Variants in NRG1 observed in about 807,000 individuals in gnomAD.
NRG1 encodes the protein pro-neuregulin-1, membrane-bound isoform.
NRG1 carries 18 observed loss-of-function variants against 63.8 expected under a neutral mutation model. The observed-to-expected ratio is 0.28, with a 90% confidence interval of 0.19 to 0.42. NRG1 has a LOEUF of 0.42. Among genes scored for constraint, NRG1 ranks in the 10% least tolerant of loss-of-function variants. The pLI is 1.00. For synonymous variants in NRG1, 302 were observed against 301.3 expected, an observed-to-expected ratio of 1.00 and a Z score of -0.02; for missense variants, 762 against 814.7, an observed-to-expected ratio of 0.94 and a Z score of 0.79.
intron 1 of NRG1, among the ~76,000 whole-genome samples, chr8:31,739,047 T>G (rs897134755): frequency 5.3e-5 from 8 of 152,096 alleles, no homozygotes; most frequent in Non-Finnish European, 2.9e-5. Context: ...TGTGCACGTA[T>G]GTGTATGTGT....
chr8:32,212,947 G>A (rs1844839822), intron 1 of NRG1, among the ~76,000 whole-genome samples: 1 of 152,266 alleles, frequency 6.6e-6, no homozygotes, highest in Admixed American at 6.5e-5. Flanking sequence ...TTCTGAAATA[G>A]TTTGAATATT....
intron 1 of NRG1, among the ~76,000 whole-genome samples, chr8:32,461,461 G>C (rs1316296438): frequency 2.0e-5 from 3 of 152,172 alleles, no homozygotes; most frequent in Non-Finnish European, 4.4e-5. Context: ...CACTTTGGGA[G>C]GCCGAGGTGA....
intron 1 of NRG1, among the ~76,000 whole-genome samples, chr8:32,555,787 A>G (rs1488516948): frequency 6.6e-6 from 1 of 152,176 alleles, no homozygotes; most frequent in Non-Finnish European, 1.5e-5. Context: ...ATATTTTAAT[A>G]TGGTCACACA....
chr8:32,228,005 C>G (rs977427425), intron 1 of NRG1, among the ~76,000 whole-genome samples: 1 of 152,164 alleles, frequency 6.6e-6, no homozygotes, highest in Non-Finnish European at 1.5e-5. Flanking sequence ...TTTGCTTTCT[C>G]TCAGATATTA....
At chr8:31,680,304 A>T in intron 1 of NRG1, among the ~76,000 whole-genome samples, 1 of 94,428 alleles carries the variant, frequency 1.1e-5, no homozygotes, top group Non-Finnish European at 2.0e-5. Flanking sequence ...CCCCCACCCC[A>T]CAACAGTCCC....
intron 1 of NRG1, among the ~76,000 whole-genome samples, chr8:31,693,163 A>G (rs968156620): frequency 1.1e-4 from 16 of 152,164 alleles, no homozygotes; most frequent in African/African-American, 3.9e-4. Flanking sequence ...TTGTTGTCAT[A>G]GTTCCTCTCT....
chr8:32,113,510 C>T (rs1016322616), intron 1 of NRG1, among the ~76,000 whole-genome samples: 1 of 152,176 alleles, frequency 6.6e-6, no homozygotes, highest in Non-Finnish European at 1.5e-5. Context: ...TAGCTGCTTC[C>T]TGATATAACT....
chr8:32,597,135 T>A (rs1460245457), intron 2 of NRG1, among the ~76,000 whole-genome samples: 1 of 152,154 alleles, frequency 6.6e-6, no homozygotes, highest in African/African-American at 2.4e-5. Context: ...GTGACATGTA[T>A]AATAGTGGTT....
At chr8:32,543,998 C>T (rs1014025309), upstream of NRG1, among the ~76,000 whole-genome samples, 2 of 152,264 alleles carry the variant, frequency 1.3e-5, no homozygotes, top group African/African-American at 4.8e-5. Context: ...CCTCCTTTCA[C>T]CTCAATTTCC....
intron 5 of NRG1, among the ~76,000 whole-genome samples, chr8:32,703,498 A>C (rs1201417679): frequency 1.3e-5 from 2 of 148,628 alleles, no homozygotes; most frequent in East Asian, 3.9e-4. Flanking sequence ...GTGCCACTGC[A>C]CTGTAGCCTG....
intron 1 of NRG1, among the ~76,000 whole-genome samples, chr8:31,806,737 A>G (rs1822327118): frequency 1.3e-5 from 2 of 152,206 alleles, no homozygotes; most frequent in South Asian, 4.1e-4. Flanking sequence ...AGACACATGA[A>G]TAGTGATTTT....
chr8:32,080,451 A>C (rs930300873), intron 1 of NRG1, among the ~76,000 whole-genome samples: 6 of 152,172 alleles, frequency 3.9e-5, no homozygotes, highest in Non-Finnish European at 8.8e-5. Context: ...GACTACACCT[A>C]AGCTCAGACA....
chr8:32,020,241 A>G (rs1308606456), intron 1 of NRG1, among the ~76,000 whole-genome samples: 2 of 152,124 alleles, frequency 1.3e-5, no homozygotes, highest in Non-Finnish European at 2.9e-5. Context: ...TTTATTCCTA[A>G]GTATTTGTTT....
At chr8:31,646,366 A>G (rs1257795862) in intron 1 of NRG1, among the ~76,000 whole-genome samples, 1 of 152,216 alleles carries the variant, frequency 6.6e-6, no homozygotes, top group Non-Finnish European at 1.5e-5. Flanking sequence ...GTGCTAGAAT[A>G]TGTGAGCTGA....
Position 32,337,682 on chromosome 8 carries a change from A to AAAAAAAAAAAAAT in NRG1, c.38-258146_38-258145insAAAAAAAAAAAAT, listed in dbSNP as rs1554511693. Among the ~76,000 whole-genome samples, 12 of 116,632 alleles carry AAAAAAAAAAAAAT rather than the reference A, an allele frequency of 1.0e-4. 1 individual carries two copies. Among genetic ancestry groups the AAAAAAAAAAAAAT allele is most frequent in the Non-Finnish European group, 2.1e-4 (11 of 52,596 alleles). The allele number at this position is 116,632 out of a possible 152,430, so 76.5% of individuals were successfully genotyped here. ...AAAAAAAAAAAAAAAAAAAAAAAAA[A>AAAAAAAAAAAAAT]GCTGATGCAGTTAGGAAAGGGAAGC... On this transcript the variant is annotated intron_variant, in intron 1 of 10. Coordinates refer to the NRG1 transcript ENST00000519301.
intron 1 of NRG1, among the ~76,000 whole-genome samples, chr8:32,034,064 C>T (rs902003033): frequency 6.6e-6 from 1 of 152,086 alleles, no homozygotes; most frequent in East Asian, 1.9e-4. Context: ...TTTGCCTATT[C>T]AGTATGATAT....
intron 1 of NRG1, among the ~76,000 whole-genome samples, chr8:31,930,818 T>G (rs967206): frequency 6.6e-6 from 1 of 152,062 alleles, no homozygotes; most frequent in Non-Finnish European, 1.5e-5. Context: ...AAATTTGAAC[T>G]GCACTATATG....
In NRG1 at chr8:32,514,287, G is replaced by GTA. The variant is rs772930286; in HGVS notation, c.38-81529_38-81528dup. Reference sequence around the variant, plus strand: ...ACATTTGGTTTCTGCTATTGTGTGTGTATATATATATATGTATATATATTA... The same window carrying GTA: ...ACATTTGGTTTCTGCTATTGTGTGTGTATATATATATATATGTATATATATTA... On this transcript the variant is annotated intron_variant, in intron 1 of 10. Coordinates refer to the NRG1 transcript ENST00000519301. 1.4e-4 allele frequency among the ~76,000 whole-genome samples: 21 copies of GTA among 151,370 alleles called. 1 individual carries two copies. Among genetic ancestry groups the GTA allele is most frequent in the South Asian group, 6.3e-4 (3 of 4,782 alleles).
chr8:32,211,688 C>G (rs1844717042), intron 1 of NRG1, among the ~76,000 whole-genome samples: 1 of 152,192 alleles, frequency 6.6e-6, no homozygotes, highest in East Asian at 1.9e-4. Flanking sequence ...TGTTTAACAT[C>G]GAAACACGTT....
Sources: gnomAD v4.1 joint callset for allele counts (sites outside exome capture counted in the v4.1 genomes callset) on GRCh38, gnomAD v4.1.1 for gene constraint, MANE v1.5 for transcripts, NCBI Gene and HGNC (gene_info 2026-07-23, HGNC 2026-07-21) for gene names.